The following RFFL variants were observed in gnomAD, a reference collection of about 807,000 sequenced individuals.
RFFL encodes ring finger and FYVE like domain containing E3 ubiquitin protein ligase, also known as E3 ubiquitin-protein ligase rififylin.
Under a neutral mutation model 40.4 loss-of-function variants are expected in RFFL, and 16 were observed. The ratio of observed to expected loss-of-function variants is 0.40; its 90% CI spans 0.27 to 0.60. The LOEUF (loss-of-function observed/expected upper bound fraction) is 0.60, where lower values mean the gene tolerates loss of function less well. Among genes scored for constraint, RFFL ranks in the 20% least tolerant of loss-of-function variants. The pLI is 0.47. For missense variants in RFFL, 367 were observed against 451.7 expected, an observed-to-expected ratio of 0.81 and a Z score of 1.70; for synonymous variants, 154 against 167.9, an observed-to-expected ratio of 0.92 and a Z score of 0.64.
chr17:35,041,137 C>A (rs913986559), intron 1 of RFFL, among the ~76,000 whole-genome samples: 6 of 152,006 alleles, frequency 3.9e-5, no homozygotes, highest in African/African-American at 1.4e-4. Flanking sequence ...AGAATAGAAA[C>A]CCCATGAGGG....
In RFFL at chr17:35,012,177, A is replaced by G. The variant is rs1249311894; in HGVS notation, c.911-28T>C. On this transcript the variant is annotated intron_variant, in intron 6 of 6. Coordinates refer to ENST00000394597, the MANE Select transcript of RFFL (RefSeq NM_001017368.2). ...GTACAAACACACAGGGCAGAAAAAA[A>G]GGGGCAGAGGAGTGAGGAGAATGTC... The G allele has an allele frequency of 1.9e-6, 3 of 1,603,254 alleles. No individual in the cohort carries two copies. The African/African-American group carries it at 4.0e-5, about 21-fold the overall frequency.
intron 1 of RFFL, among the ~76,000 whole-genome samples, chr17:35,056,069 T>C (rs911657646): frequency 6.6e-6 from 1 of 151,324 alleles, no homozygotes; most frequent in African/African-American, 2.4e-5. Flanking sequence ...GGATTTGCAG[T>C]TCCCTCTCAT....
chr17:35,072,747 TA>T (rs35164231), intron 1 of RFFL, among the ~76,000 whole-genome samples: 14,097 of 142,544 alleles, frequency 0.099, 1,937 homozygotes, highest in African/African-American at 0.31. Flanking sequence ...AAATAAAGTA[TA>T]AAAAAAAAAA....
chr17:35,063,630 T>TCCA lies in RFFL; in HGVS notation c.-64_-63insTGG, dbSNP rs1426346722. The TCCA allele has an allele frequency of 2.6e-5, 4 of 152,220 alleles. No homozygotes were observed. The highest frequency in any genetic ancestry group is 9.7e-5 in the African/African-American group (4 of 41,448). 9.4% of individuals were successfully genotyped at this position (152,220 alleles called of 1,614,324 possible). On this transcript the variant is annotated 5_prime_UTR_variant, in exon 1 of 7. Coordinates refer to ENST00000394597, the MANE Select transcript of RFFL (RefSeq NM_001017368.2). ...CGACAGAAAGCAAGCTGTCTCTAGTTCCTGTGGCTGAGGTCGCTGGAGCCA... is the reference window on the plus strand; with the variant it reads ...CGACAGAAAGCAAGCTGTCTCTAGTTCCACCTGTGGCTGAGGTCGCTGGAGCCA...
intron 1 of RFFL, among the ~76,000 whole-genome samples, chr17:35,071,208 AAAAAAC>A (rs1244095844): frequency 3.9e-5 from 6 of 152,042 alleles, no homozygotes; most frequent in Non-Finnish European, 8.8e-5. Context: ...AAAAAAAAAA[AAAAAAC>A]AAAAATTTAA....
chr17:35,025,091 CCTT>C (rs1241378881), intron 2 of RFFL: 3 of 152,268 alleles, frequency 2.0e-5, no homozygotes, highest in Non-Finnish European at 4.4e-5. Context: ...GCAGCAATGG[CCTT>C]CTTCATCTCT....
At chr17:35,027,463 G>A (rs996813868) in intron 1 of RFFL, among the ~76,000 whole-genome samples, 3 of 152,084 alleles carry the variant, frequency 2.0e-5, no homozygotes, top group South Asian at 4.1e-4. Flanking sequence ...AGTGGCTCAC[G>A]CCTGTAATCC....
At chr17:35,084,350 T>C (rs917224988) in intron 1 of RFFL, among the ~76,000 whole-genome samples, 1 of 151,932 alleles carries the variant, frequency 6.6e-6, no homozygotes, top group African/African-American at 2.4e-5. Flanking sequence ...AATCCCAACA[T>C]TGGGAGGCCA....
At chr17:35,036,005 C>G (rs1003945248) in intron 1 of RFFL, among the ~76,000 whole-genome samples, 11 of 152,026 alleles carry the variant, frequency 7.2e-5, no homozygotes, top group African/African-American at 2.7e-4. Flanking sequence ...CCCGGCCACT[C>G]TGACAGATAT....
At chr17:35,031,559 C>G (rs2091083334) in intron 1 of RFFL, among the ~76,000 whole-genome samples, 1 of 151,934 alleles carries the variant, frequency 6.6e-6, no homozygotes, top group South Asian at 2.1e-4. Context: ...GAAATGTAAA[C>G]CAAATATTGA....
At chr17:35,016,262 C>T in intron 5 of RFFL, 108 bp downstream of exon 5, 2 of 972,992 alleles carry the variant, frequency 2.1e-6, no homozygotes, top group Non-Finnish European at 3.2e-6. Flanking sequence ...AAGGTGTCTC[C>T]TTCCATGGCT....
chr17:35,042,846 A>G (rs2091175504), intron 1 of RFFL, among the ~76,000 whole-genome samples: 1 of 147,898 alleles, frequency 6.8e-6, no homozygotes, highest in East Asian at 2.0e-4. Flanking sequence ...AAAAAAAAAG[A>G]AAAGAAAAAA....
chr17:35,074,020 C>T (rs1488472038), intron 1 of RFFL: 1 of 152,030 alleles, frequency 6.6e-6, no homozygotes, highest in Non-Finnish European at 1.5e-5. Context: ...ACAAGTAGGC[C>T]CATGTAGTTT....
intron 2 of RFFL, among the ~76,000 whole-genome samples, chr17:35,023,005 G>A (rs1310988417): frequency 6.6e-6 from 1 of 152,202 alleles, no homozygotes; most frequent in Non-Finnish European, 1.5e-5. Flanking sequence ...CCCACAGGCT[G>A]AGTGAGCACA....
At chr17:35,071,271 T>C (rs1051944408) in intron 1 of RFFL, among the ~76,000 whole-genome samples, 1 of 151,340 alleles carries the variant, frequency 6.6e-6, no homozygotes, top group Non-Finnish European at 1.5e-5. Context: ...AGAAACTGGA[T>C]CTCATACACT....
chr17:35,023,733 C>T (rs1442059541), intron 2 of RFFL, among the ~76,000 whole-genome samples: 3 of 152,214 alleles, frequency 2.0e-5, no homozygotes, highest in African/African-American at 7.2e-5. Context: ...GCCTGCGTTG[C>T]TCAATCAGCC....
In RFFL at chr17:35,070,502, T is replaced by C. The variant is rs113528462; in HGVS notation, c.-9+18603A>G. On this transcript the variant is annotated intron_variant, in intron 1 of 6. Coordinates refer to the RFFL transcript ENST00000315249. ...AAATAAAGTACCTAAGACCATTTGA[T>C]AACATAAACCAAAACAATTTGAAAA... is the stretch of plus-strand genomic sequence containing the variant. 6.9e-3 allele frequency among the ~76,000 whole-genome samples: 1,057 copies of C among 152,308 alleles called. 7 individuals are homozygous for C. Among genetic ancestry groups the C allele is most frequent in the Non-Finnish European group, 0.011 (740 of 68,026 alleles).
intron 1 of RFFL, among the ~76,000 whole-genome samples, chr17:35,038,384 T>C (rs147919612): frequency 9.9e-5 from 15 of 152,120 alleles, no homozygotes; most frequent in South Asian, 2.1e-4. Context: ...TGTGTGTGTG[T>C]GCGCGCGCGT....
intron 1 of RFFL, among the ~76,000 whole-genome samples, chr17:35,049,304 GCACA>G (rs111976707): frequency 6.7e-6 from 1 of 149,828 alleles, no homozygotes; most frequent in African/African-American, 2.5e-5. Context: ...GGTACAGAAT[GCACA>G]CACACACACA....
Sources: allele counts gnomAD v4.1 joint callset (sites outside exome capture counted in the v4.1 genomes callset), GRCh38; gene constraint gnomAD v4.1.1; transcripts MANE v1.5; gene names NCBI Gene and HGNC (gene_info 2026-07-23, HGNC 2026-07-21).